GRM6: variants seen among roughly 807,000 people sequenced by gnomAD.
The protein encoded by GRM6 is glutamate metabotropic receptor 6.
In GRM6, 73 loss-of-function variants were observed where a neutral mutation model predicts 78.4. The observed-to-expected ratio is 0.93, with a 90% CI of 0.77 to 1.13. The LOEUF (loss-of-function observed/expected upper bound fraction) is 1.13. Ranked by LOEUF, GRM6 falls within the 50% of genes most tolerant of loss-of-function variation. GRM6 has a pLI of 0.00. For missense variants in GRM6, 1,251 were observed against 1,256.4 expected, an observed-to-expected ratio of 1.00 and a Z score of 0.07; for synonymous variants, 580 against 555.0, an observed-to-expected ratio of 1.05 and a Z score of -0.63.
chr5:178,989,320 G>A lies in GRM6; in HGVS notation c.1098C>T (p.Asn366=). The change falls in exon 6 of 11, where the codon AAC becomes AAT. Residue 366 remains asparagine (N), a synonymous_variant. Transcript: ENST00000517717. The part of the protein sequence containing the change: ...WFAEFWEENF[N]CKLTSSGTQS... ...GGGTACCTGAGCTGGTCAGTTTGCA[G>A]TTAAAATTCTCTTCCCAGAACTCGG... The A allele has an allele frequency of 6.2e-7, 1 of 1,611,966 alleles. No individual in the cohort carries two copies. Among genetic ancestry groups the A allele is most frequent in the Non-Finnish European group, 8.5e-7 (1 of 1,179,280 alleles).
At chr5:178,987,192 G>A (rs774350424) in intron 7 of GRM6, 34 of 693,408 alleles carry the variant, frequency 4.9e-5, no homozygotes, top group African/African-American at 1.4e-4. Flanking sequence ...TGTTGTGAGC[G>A]TGTGGAGAAG....
chr5:178,991,517 G>GCAA lies in GRM6; in HGVS notation c.763_764insTTG (p.Pro255delinsLeuAla), dbSNP rs1210488868. ...CACCTTGCTGAACTCTCCTGGCTTTGGTTCCCTGGGAATCTTGATAGACTG... is the reference window on the plus strand; with the variant it reads ...CACCTTGCTGAACTCTCCTGGCTTTGCAAGTTCCCTGGGAATCTTGATAGACTG... On this transcript the variant is annotated protein_altering_variant, in exon 4 of 11. Transcript: ENST00000517717. The surrounding 1 kb of genome is among the most constrained non-coding windows in gnomAD (Gnocchi z 5.0). The GCAA allele has an allele frequency of 1.2e-6, 2 of 1,613,604 alleles. No individual in the cohort carries two copies. Among genetic ancestry groups the GCAA allele is most frequent in the African/African-American group, 2.7e-5 (2 of 74,824 alleles).
chr5:178,984,819 C>T (rs1760478039), intron 9 of GRM6, among the ~76,000 whole-genome samples: 1 of 152,102 alleles, frequency 6.6e-6, no homozygotes, highest in Non-Finnish European at 1.5e-5. Context: ...GAGTGGACAG[C>T]ACCGGGAGTG....
In GRM6 at chr5:178,990,653, C is replaced by G. The variant is rs746981724; in HGVS notation, c.951G>C (p.Leu317Phe). The G allele has an allele frequency of 1.2e-6, 2 of 1,611,758 alleles. No homozygotes were observed. The highest frequency in any genetic ancestry group is 2.2e-5 in the East Asian group (1 of 44,822). Residue 317 changes from leucine (L) to phenylalanine (F), a missense_variant, in exon 5 of 11, where the codon TTG becomes TTC. Coordinates refer to ENST00000517717, the MANE Select transcript of GRM6 (RefSeq NM_000843.4). ...DSWGAKTSPILSLEDVAVGAI... is the reference protein window; with the variant it reads ...DSWGAKTSPIFSLEDVAVGAI... ...CCCCAACGGCCACGTCCTCCAGGCT[C>G]AAGATGGGTGAGGTCTTGGCTCCCC...
chr5:178,991,681 C>T lies in GRM6; in HGVS notation c.722-122G>A. The T allele has an allele frequency of 7.7e-7, 1 of 1,295,886 alleles. No homozygotes were observed. Among genetic ancestry groups the T allele is most frequent in the Non-Finnish European group, 1.1e-6 (1 of 896,962 alleles). 80.3% of individuals were successfully genotyped at this position (1,295,886 alleles called of 1,614,324 possible). ...CTGCAGGGGTGAAGTCTGGCCTGCA[C>T]CCTCCGCCAAGCCTGAGGCAGGGCT... On this transcript the variant is annotated intron_variant, in intron 3 of 10. Coordinates refer to ENST00000517717, the MANE Select transcript of GRM6 (RefSeq NM_000843.4). The surrounding 1 kb of genome is among the most constrained non-coding windows in gnomAD (Gnocchi z 5.0).
intron 9 of GRM6, chr5:178,985,349 C>T (rs1018426704): frequency 6.0e-5 from 26 of 431,498 alleles, no homozygotes; most frequent in South Asian, 1.2e-4. Context: ...GGGGAGATGG[C>T]GGCCCTAACT....
In GRM6 at chr5:178,986,887, C is replaced by T. The variant is rs868114639; in HGVS notation, c.1451G>A (p.Ser484Asn). Reference protein sequence around the residue: ...QYQATNGSASSGGYQAVGQWA... With the variant: ...QYQATNGSASNGGYQAVGQWA... ...CTGGCCCACTGCCTGGTACCCGCCACTGCTGGCACTGCCATTGGTCGCCTG... is the reference window on the plus strand; with the variant it reads ...CTGGCCCACTGCCTGGTACCCGCCATTGCTGGCACTGCCATTGGTCGCCTG... Residue 484 changes from serine to asparagine, a missense_variant, in exon 8 of 11, where the codon AGT (serine) becomes AAT (asparagine). Coordinates refer to ENST00000517717, the MANE Select transcript of GRM6 (RefSeq NM_000843.4). The T allele has an allele frequency of 6.2e-7, 1 of 1,614,200 alleles. No homozygotes were observed. Among genetic ancestry groups the T allele is most frequent in the South Asian group, 1.1e-5 (1 of 91,084 alleles).
In GRM6 at chr5:178,994,692, G is replaced by T; in HGVS notation, c.253C>A (p.Leu85Met). ...ALDRVNADPE[L>M]LPGVRLGARL... ...GCGCCCAGGCGCACGCCGGGCAGCA[G>T]CTCGGGGTCGGCGTTGACGCGGTCC... Residue 85 changes from leucine (L) to methionine (M), a missense_variant, in exon 2 of 11, where the codon CTG becomes ATG. Transcript: ENST00000517717. 1 of 1,469,484 alleles carries T rather than the reference G, an allele frequency of 6.8e-7. No homozygotes were observed. The highest frequency in any genetic ancestry group is 3.0e-5 in the East Asian group (1 of 33,472). The allele number at this position is 1,469,484 out of a possible 1,614,324, so 91.0% of individuals were successfully genotyped here. A position where few individuals can be genotyped will look rare whatever the true frequency, so the allele number is the denominator to read the frequency against.
Position 178,994,477 on chromosome 5 carries a change from G to C in GRM6, c.468C>G (p.Val156=). ...GCAGCACGTTGGCGACCATGATGGA[G>C]ACGGAGCTGGCCGAGGCGCCCACGA... ...VAVVGASASS[V]SIMVANVLRL... Residue 156 remains valine, a synonymous_variant, in exon 2 of 11, where the codon GTC becomes GTG. Transcript: ENST00000517717. 1 of 1,477,918 alleles carries C rather than the reference G, an allele frequency of 6.8e-7. No individual in the cohort carries two copies. The highest frequency in any genetic ancestry group is 8.9e-7 in the Non-Finnish European group (1 of 1,120,002). 91.6% of individuals were successfully genotyped at this position (1,477,918 alleles called of 1,614,324 possible). A position where few individuals can be genotyped will look rare whatever the true frequency, so the allele number is the denominator to read the frequency against.
In GRM6 at chr5:178,981,743, T is replaced by C. The variant is rs764957720; in HGVS notation, c.2548A>G (p.Asn850Asp). 6.2e-7 allele frequency: 1 copy of C among 1,613,864 alleles called. No individual in the cohort carries two copies. The highest frequency in any genetic ancestry group is 1.3e-5 in the African/African-American group (1 of 74,932). The change falls in exon 11 of 11, where the codon AAT (asparagine) becomes GAT (aspartate). Residue 850 changes from asparagine to aspartate, a missense_variant. Coordinates refer to ENST00000517717, the MANE Select transcript of GRM6 (RefSeq NM_000843.4). This position sits in a 1 kb window ranked among gnomAD's most constrained non-coding sequence, Gnocchi z 5.1. ...TYVILFHPEQNVQKRKRSLKA... is the reference protein window; with the variant it reads ...TYVILFHPEQDVQKRKRSLKA... ...AGGCTCCGCTTTCGCTTCTGCACAT[T>C]CTGCTCTGGATGGAAGAGGATGACG...
chr5:178,985,801 A>T (rs910744764), intron 9 of GRM6: 6 of 517,678 alleles, frequency 1.2e-5, no homozygotes, highest in Non-Finnish European at 2.2e-5. Flanking sequence ...TTACTCTGAC[A>T]CCCAAGCTGG....
intron 6 of GRM6, 54 bp downstream of exon 6, chr5:178,989,211 A>AGGC: frequency 2.5e-5 from 3 of 121,736 alleles, no homozygotes; most frequent in East Asian, 2.8e-4. Flanking sequence ...CCCCCTCCCC[A>AGGC]CCCTCACCAC....
At position 178,994,519 on chromosome 5, in the gene GRM6, G is replaced by A; in HGVS notation, c.426C>T (p.Pro142=). The change falls in exon 2 of 11, where the codon CCC becomes CCT. Residue 142 remains proline (P), a synonymous_variant. Transcript: ENST00000517717. The stretch of plus-strand genomic sequence containing the variant: ...CGCCCACGACGGCCACGACGCGCTC[G>A]GGGGGCGCGGGGCGCAGCGGAGGGA... ...GGVPPLRPAP[P]ERVVAVVGAS... The A allele has an allele frequency of 1.4e-6, 2 of 1,401,860 alleles. No homozygotes were observed. The highest frequency in any genetic ancestry group is 1.8e-6 in the Non-Finnish European group (2 of 1,084,084). The allele number at this position is 1,401,860 out of a possible 1,614,324, so 86.8% of individuals were successfully genotyped here. A position where few individuals can be genotyped will look rare whatever the true frequency, so the allele number is the denominator to read the frequency against.
In GRM6 at chr5:178,994,530, G is replaced by T. The variant is rs971140136; in HGVS notation, c.415C>A (p.Pro139Thr). 1.2e-4 allele frequency: 165 copies of T among 1,384,380 alleles called. 3 individuals carry two copies. The African/African-American group carries it at 1.8e-3, about 15-fold the overall frequency. The allele number at this position is 1,384,380 out of a possible 1,614,324, so 85.8% of individuals were successfully genotyped here. A position where few individuals can be genotyped will look rare whatever the true frequency, so the allele number is the denominator to read the frequency against. Reference sequence around the variant, plus strand: ...GCCACGACGCGCTCGGGGGGCGCGGGGCGCAGCGGAGGGACGCCTCCCGGG... The same window carrying T: ...GCCACGACGCGCTCGGGGGGCGCGGTGCGCAGCGGAGGGACGCCTCCCGGG... ...RCPGGVPPLR[P>T]APPERVVAVV... Residue 139 changes from proline (P) to threonine (T), a missense_variant, in exon 2 of 11, where the codon CCC becomes ACC. Pro to Thr is a conservative substitution (Grantham distance 38). Coordinates refer to ENST00000517717, the MANE Select transcript of GRM6 (RefSeq NM_000843.4).
rs960061790 is a variant in GRM6 at position 178,979,521 on chromosome 5, C to T, written c.*2136G>A. On this transcript the variant is annotated 3_prime_UTR_variant, in exon 11 of 11. Coordinates refer to ENST00000517717, the MANE Select transcript of GRM6 (RefSeq NM_000843.4). ...CCTCGCGGTGCATCAGAGTTCCTGC[C>T]AGAGAGGCCCACAGGCATGAACATG... is the stretch of plus-strand genomic sequence containing the variant. The T allele has an allele frequency of 6.6e-6, 1 of 152,194 alleles. No individual in the cohort carries two copies. The highest frequency in any genetic ancestry group is 2.4e-5 in the African/African-American group (1 of 41,448). 9.4% of individuals were successfully genotyped at this position (152,194 alleles called of 1,614,324 possible).
chr5:178,986,868 C>A lies in GRM6; in HGVS notation c.1470G>T (p.Val490=), dbSNP rs777500313. The A allele has an allele frequency of 2.5e-6, 4 of 1,614,112 alleles. No individual in the cohort carries two copies. In the East Asian group the frequency reaches 8.9e-5, roughly 36 times the overall value. The change falls in exon 8 of 11, where the codon GTG becomes GTT. Residue 490 remains valine, a synonymous_variant. Transcript: ENST00000517717. ...GTCTGAGGGTCTCTGCCCACTGGCC[C>A]ACTGCCTGGTACCCGCCACTGCTGG... ...GSASSGGYQA[V]GQWAETLRLD... is the part of the protein sequence containing the mutation.
At chr5:178,989,601 G>A in intron 5 of GRM6, 196 bp from the exon 6 acceptor site, 1 of 665,198 alleles carries the variant, frequency 1.5e-6, no homozygotes, top group South Asian at 1.7e-5. Context: ...GGAGTGGCCA[G>A]GTGAGCTAGG....
At chr5:178,987,020 G>T in intron 7 of GRM6, 37 bp from the exon 8 acceptor site, 1 of 1,604,152 alleles carries the variant, frequency 6.2e-7, no homozygotes, top group Admixed American at 1.7e-5. Context: ...TGGTCCTCCA[G>T]CCCAGCAGAG....
intron 4 of GRM6, 88 bp from the exon 5 acceptor site, chr5:178,990,834 G>C: frequency 4.6e-6 from 5 of 1,088,970 alleles, no homozygotes; most frequent in Non-Finnish European, 6.6e-6. Context: ...CATCTCCCCT[G>C]CTCTATAATC....
Sources: gnomAD v4.1 joint callset for allele counts (sites outside exome capture counted in the v4.1 genomes callset) on GRCh38, gnomAD v4.1.1 for gene constraint, Gnocchi (gnomAD v3.1) non-coding constraint, MANE v1.5 for transcripts, NCBI Gene and HGNC (gene_info 2026-07-23, HGNC 2026-07-21) for gene names.